SLC4A8: variants seen among roughly 807,000 people sequenced by gnomAD.
SLC4A8 encodes electroneutral sodium bicarbonate exchanger 1.
SLC4A8 carries 40 observed loss-of-function variants against 125.0 expected under a neutral mutation model. The ratio of observed to expected loss-of-function variants is 0.32; its 90% CI spans 0.25 to 0.42. The LOEUF is 0.42. Ranked by LOEUF, SLC4A8 falls within the 10% of genes least tolerant of loss-of-function variation. The pLI, the probability that SLC4A8 is intolerant of heterozygous loss-of-function variation, is 1.00. For synonymous variants in SLC4A8, 456 were observed against 476.0 expected, an observed-to-expected ratio of 0.96 and a Z score of 0.55; for missense variants, 863 against 1,355.1, an observed-to-expected ratio of 0.64 and a Z score of 5.70.
At chr12:51,422,279 C>G (rs1948805758), upstream of SLC4A8, 1 of 152,228 alleles carries the variant, frequency 6.6e-6, no homozygotes, top group African/African-American at 2.4e-5. Flanking sequence ...TTCCCTAAAG[C>G]CTTCAGCGTC....
intron 9 of SLC4A8, 106 bp downstream of exon 9, chr12:51,461,397 C>T: frequency 1.4e-6 from 1 of 706,766 alleles, no homozygotes; most frequent in Non-Finnish European, 2.5e-6. Context: ...CTTTCCATTG[C>T]AATATCTGCT....
intron 1 of SLC4A8, chr12:51,391,794 AC>A (rs1190941749): frequency 1.1e-4 from 16 of 152,338 alleles, no homozygotes; most frequent in African/African-American, 3.4e-4. Context: ...CTCCCGGCGG[AC>A]CGGCAGAGGG....
chr12:51,393,584 T>C (rs1948202272), intron 1 of SLC4A8, among the ~76,000 whole-genome samples: 1 of 152,192 alleles, frequency 6.6e-6, no homozygotes, highest in African/African-American at 2.4e-5. Context: ...GAAGGTGAGA[T>C]GTTCTTTGAT....
At position 51,480,869 on chromosome 12, in the gene SLC4A8, G is replaced by A. The variant is rs540654961; in HGVS notation, c.2173-4918G>A. Among the ~76,000 whole-genome samples the A allele has an allele frequency of 1.4e-3, 217 of 152,282 alleles. 1 individual carries two copies. The highest frequency in any genetic ancestry group is 4.9e-3 in the African/African-American group (205 of 41,558). ...ACTTTGGGCTTGCAGGAAGTACAAC[G>A]GGAATAGCCTGAGCTTCTTGCTCCC... On this transcript the variant is annotated intron_variant, in intron 16 of 24. Transcript: ENST00000453097.
intron 1 of SLC4A8, among the ~76,000 whole-genome samples, chr12:51,437,443 C>T (rs977707883): frequency 2.6e-5 from 4 of 152,154 alleles, no homozygotes; most frequent in Non-Finnish European, 5.9e-5. Context: ...GTGCCATCCT[C>T]ACAGTAATGA....
At chr12:51,407,621 G>A (rs947485776) in intron 1 of SLC4A8, among the ~76,000 whole-genome samples, 12 of 152,114 alleles carry the variant, frequency 7.9e-5, no homozygotes, top group African/African-American at 2.4e-4. Flanking sequence ...CCATAGCGGG[G>A]TGTGTCTCTA....
chr12:51,439,134 G>A (rs1176842743), intron 1 of SLC4A8, among the ~76,000 whole-genome samples: 1 of 152,098 alleles, frequency 6.6e-6, no homozygotes, highest in Admixed American at 6.5e-5. Context: ...TCAGCTCACT[G>A]CAACCTCTGC....
intron 18 of SLC4A8, among the ~76,000 whole-genome samples, chr12:51,489,245 G>A (rs1453105111): frequency 6.6e-6 from 1 of 152,150 alleles, no homozygotes; most frequent in East Asian, 1.9e-4. Context: ...TAGTTTCTAG[G>A]CCGAAACTGG....
chr12:51,502,573 C>G (rs992534411), intron 22 of SLC4A8, among the ~76,000 whole-genome samples: 2 of 151,272 alleles, frequency 1.3e-5, no homozygotes, highest in African/African-American at 4.9e-5. Context: ...CTCTGTCGCC[C>G]AGGCTGGAGT....
rs372562960 is a variant in SLC4A8 at position 51,457,550 on chromosome 12, T to C, written c.763+11T>C. ...TGATGGATAAACATGGTAAGATTAT[T>C]AGGTGATTTTTCTCTCTTTATTAAT... On this transcript the variant is annotated intron_variant, in intron 6 of 24. Coordinates refer to ENST00000453097, the MANE Select transcript of SLC4A8 (RefSeq NM_001039960.3). The C allele has an allele frequency of 2.1e-5, 34 of 1,604,936 alleles. No individual in the cohort carries two copies. The highest frequency in any genetic ancestry group is 2.9e-5 in the Non-Finnish European group (34 of 1,175,106).
intron 1 of SLC4A8, among the ~76,000 whole-genome samples, chr12:51,418,278 GA>G (rs1948725072): frequency 1.3e-5 from 2 of 152,176 alleles, no homozygotes; most frequent in Admixed American, 1.3e-4. Context: ...GATATCCAGG[GA>G]AAATCAGATG....
rs1592225625 is a variant in SLC4A8 at position 51,462,529 on chromosome 12, T to C, written c.1248+73T>C. 11 of 1,199,948 alleles carry C rather than the reference T, an allele frequency of 9.2e-6. No individual in the cohort carries two copies. The East Asian group carries it at 2.7e-4, about 29-fold the overall frequency. The allele number at this position is 1,199,948 out of a possible 1,614,324, so 74.3% of individuals were successfully genotyped here. ...CCCACCATGGACAAAGCAAAGACCA[T>C]GTGGGTATATGCTAAATATATCAAG... On this transcript the variant is annotated intron_variant, in intron 10 of 24. Transcript: ENST00000453097.
At chr12:51,469,375 C>T (rs548463123) in intron 11 of SLC4A8, among the ~76,000 whole-genome samples, 7 of 152,068 alleles carry the variant, frequency 4.6e-5, no homozygotes, top group South Asian at 2.1e-4. Flanking sequence ...ATGGATAATA[C>T]GCATATCTAA....
chr12:51,447,052 G>GTCTA (rs386363007), intron 2 of SLC4A8, among the ~76,000 whole-genome samples: 21 of 149,366 alleles, frequency 1.4e-4, no homozygotes, highest in East Asian at 4.0e-4. Flanking sequence ...CTGTCTGTCT[G>GTCTA]TCTGTCTATC....
At chr12:51,488,317 G>C (rs1288904598) in intron 17 of SLC4A8, among the ~76,000 whole-genome samples, 1 of 152,170 alleles carries the variant, frequency 6.6e-6, no homozygotes, top group Non-Finnish European at 1.5e-5. Flanking sequence ...AAAATGTTTA[G>C]GGGGTGGATT....
At chr12:51,490,063 C>A in intron 19 of SLC4A8, 112 bp downstream of exon 19, 1 of 1,009,292 alleles carries the variant, frequency 9.9e-7, no homozygotes, top group Non-Finnish European at 1.5e-6. Context: ...TAAATCCCTG[C>A]CCTGAAAGAG....
At chr12:51,457,630 T>C in intron 6 of SLC4A8, 91 bp downstream of exon 6, 2 of 1,193,842 alleles carry the variant, frequency 1.7e-6, no homozygotes, top group South Asian at 1.5e-5. Flanking sequence ...GGGCTGTATT[T>C]GTCTAATATG....
chr12:51,393,269 T>A (rs1948194164), intron 1 of SLC4A8, among the ~76,000 whole-genome samples: 1 of 152,072 alleles, frequency 6.6e-6, no homozygotes, highest in Non-Finnish European at 1.5e-5. Flanking sequence ...CCAGCTAACT[T>A]TTTTTTGTAG....
At chr12:51,403,835 C>A (rs918365000) in intron 1 of SLC4A8, among the ~76,000 whole-genome samples, 3 of 152,262 alleles carry the variant, frequency 2.0e-5, no homozygotes, top group Non-Finnish European at 4.4e-5. Flanking sequence ...GTACTTTTGC[C>A]GTAGGCAGGG....
Sources: allele counts gnomAD v4.1 joint callset (sites outside exome capture counted in the v4.1 genomes callset), GRCh38; gene constraint gnomAD v4.1.1; transcripts MANE v1.5; gene names NCBI Gene and HGNC (gene_info 2026-07-23, HGNC 2026-07-21).